Variants in SPECC1 observed in about 807,000 individuals in gnomAD.
The protein encoded by SPECC1 is cytospin-B.
A neutral mutation model predicts 104.1 loss-of-function variants in SPECC1; 62 were observed. That is an observed-to-expected ratio of 0.60 (90% CI 0.49 to 0.74). SPECC1 has a LOEUF of 0.74. Ranked by LOEUF, SPECC1 falls within the 30% of genes least tolerant of loss-of-function variation. The pLI, the probability that SPECC1 is intolerant of heterozygous loss-of-function variation, is 0.00. For synonymous variants in SPECC1, 513 were observed against 501.6 expected, an observed-to-expected ratio of 1.02 and a Z score of -0.30; for missense variants, 1,306 against 1,310.5, an observed-to-expected ratio of 1.00 and a Z score of 0.05.
At chr17:20,232,524 C>T in intron 7 of SPECC1, 119 bp downstream of exon 7, 1 of 1,124,466 alleles carries the variant, frequency 8.9e-7, no homozygotes, top group Non-Finnish European at 1.2e-6. Context: ...TCTGAGATCA[C>T]CCTGAATTAC....
chr17:20,046,367 C>A (rs758163971), intron 1 of SPECC1, among the ~76,000 whole-genome samples: 5 of 152,076 alleles, frequency 3.3e-5, no homozygotes, highest in Non-Finnish European at 5.9e-5. Context: ...AGATTTAATT[C>A]TATTTAGATT....
Position 20,216,117 on chromosome 17 carries a change from A to T in SPECC1, c.1863+10205A>T, listed in dbSNP as rs564590759. ...TTAAATCACTTGAAAAGAACAATCC[A>T]GCATGTATCAAGTGGCTGAGACCAA... On this transcript the variant is annotated intron_variant, in intron 4 of 14. Transcript: ENST00000395527. Among the ~76,000 whole-genome samples the T allele has an allele frequency of 6.6e-5, 10 of 152,352 alleles. No individual in the cohort carries two copies. The East Asian group carries it at 1.7e-3, about 26-fold the overall frequency.
intron 3 of SPECC1, among the ~76,000 whole-genome samples, chr17:20,128,231 T>C (rs1469636653): frequency 6.6e-6 from 1 of 152,208 alleles, no homozygotes; most frequent in Admixed American, 6.5e-5. Context: ...ACCAGGCGTG[T>C]TGACATCAGT....
At chr17:20,011,433 G>A (rs747386973) in intron 1 of SPECC1, among the ~76,000 whole-genome samples, 62 of 151,644 alleles carry the variant, frequency 4.1e-4, no homozygotes, top group Non-Finnish European at 7.4e-4. Flanking sequence ...ATAGTATTCT[G>A]GTGTAAGAAA....
chr17:20,064,813 A>G lies in SPECC1; in HGVS notation c.-21-31818A>G, dbSNP rs1322232629. On this transcript the variant is annotated intron_variant, in intron 1 of 14. Coordinates refer to ENST00000395527, the MANE Select transcript of SPECC1 (RefSeq NM_001243439.2). ...TGTCTTATAGCTCATGAGAAGGCCA[A>G]CTTCACTAACCACTCCTTGCCGGGT... Among the ~76,000 whole-genome samples the G allele has an allele frequency of 2.6e-5, 4 of 152,204 alleles. No individual in the cohort carries two copies. In the South Asian group the frequency reaches 8.3e-4, roughly 31 times the overall value.
chr17:20,030,713 C>G (rs895861177), intron 1 of SPECC1, among the ~76,000 whole-genome samples: 1 of 152,032 alleles, frequency 6.6e-6, no homozygotes, highest in African/African-American at 2.4e-5. Flanking sequence ...TTCAGATTAC[C>G]CTCTGGGGTC....
At chr17:20,063,807 A>G (rs2046271233) in intron 1 of SPECC1, among the ~76,000 whole-genome samples, 1 of 144,500 alleles carries the variant, frequency 6.9e-6, no homozygotes. Context: ...GCTTGACCTA[A>G]GATCACAGTC....
chr17:20,056,110 C>T lies in SPECC1; in HGVS notation c.-21-40521C>T, dbSNP rs902636047. 5.9e-5 allele frequency among the ~76,000 whole-genome samples: 9 copies of T among 152,198 alleles called. No individual in the cohort carries two copies. In the South Asian group the frequency reaches 6.2e-4, roughly 10 times the overall value. ...TCTGGACTTTTCAGAGACTTAGTAG[C>T]ATCTTTAAAAGAAAAATACTTAGTT... is the stretch of plus-strand genomic sequence containing the variant. On this transcript the variant is annotated intron_variant, in intron 1 of 14. Transcript: ENST00000395527.
chr17:20,189,562 C>G (rs1378201131), intron 3 of SPECC1, among the ~76,000 whole-genome samples: 2 of 152,164 alleles, frequency 1.3e-5, no homozygotes, highest in African/African-American at 4.8e-5. Context: ...TATCTCTCCT[C>G]AGAAACACTG....
At chr17:20,105,669 C>T (rs1199529500) in intron 2 of SPECC1, among the ~76,000 whole-genome samples, 1 of 152,234 alleles carries the variant, frequency 6.6e-6, no homozygotes, top group African/African-American at 2.4e-5. Context: ...TGCTTCACCC[C>T]TGTTCTTATC....
chr17:20,099,511 C>CAAAAAA (rs56285234), intron 2 of SPECC1, among the ~76,000 whole-genome samples: 6 of 91,778 alleles, frequency 6.5e-5, no homozygotes, highest in Admixed American at 1.3e-4. Flanking sequence ...TGTCTTTACC[C>CAAAAAA]AAAAAAAAAA....
chr17:20,110,294 C>A, intron 2 of SPECC1, 133 bp from the exon 3 acceptor site: 1 of 1,092,364 alleles, frequency 9.2e-7, no homozygotes, highest in Non-Finnish European at 1.3e-6. Context: ...TTCACTCTAT[C>A]ATGCTACTCA....
At chr17:20,051,117 T>TTTCCTTCTTTCCTTCTTTCC (rs1491556437) in intron 1 of SPECC1, among the ~76,000 whole-genome samples, 12 of 92,858 alleles carry the variant, frequency 1.3e-4, no homozygotes, top group Middle Eastern at 5.6e-3. Flanking sequence ...TCTTTCTTTC[T>TTTCCTTCTTTCCTTCTTTCC]TTCTTTCTTT....
intron 4 of SPECC1, 122 bp downstream of exon 4, chr17:20,206,034 A>G (rs1597973381): frequency 3.6e-6 from 5 of 1,379,930 alleles, no homozygotes; most frequent in African/African-American, 1.4e-5. Context: ...CGAAGCCAGC[A>G]TTCCAGCTTG....
rs780953606 is a variant in SPECC1 at position 20,257,605 on chromosome 17, C to G, written c.2835C>G (p.Leu945=). Residue 945 remains leucine, a splice_region_variant and synonymous_variant, in exon 11 of 15, where the codon CTC becomes CTG. Coordinates refer to ENST00000395527, the MANE Select transcript of SPECC1 (RefSeq NM_001243439.2). Reference sequence around the variant, plus strand: ...GGGCATGGAAACCACAAAGCAAACTCAGGTATCGTGTTTCAAACAATAAGA... The same window carrying G: ...GGGCATGGAAACCACAAAGCAAACTGAGGTATCGTGTTTCAAACAATAAGA... The part of the protein sequence containing the change: ...STRAWKPQSK[L]SVERKDPLAA... 45 of 1,611,868 alleles carry G rather than the reference C, an allele frequency of 2.8e-5. 1 individual carries two copies. In the South Asian group the frequency reaches 4.9e-4, roughly 17 times the overall value.
chr17:20,231,886 A>G, intron 6 of SPECC1, 55 bp downstream of exon 6: 1 of 1,543,990 alleles, frequency 6.5e-7, no homozygotes, highest in Non-Finnish European at 9.0e-7. Context: ...ACCCGCTCCG[A>G]GGTGTGGATC....
At chr17:20,232,501 C>A in intron 7 of SPECC1, 96 bp downstream of exon 7, 1 of 1,351,492 alleles carries the variant, frequency 7.4e-7, no homozygotes, top group Non-Finnish European at 1.0e-6. Context: ...GTGCCAGGTT[C>A]TGCTATTTCC....
chr17:20,286,735 C>CA (rs1317060228), intron 12 of SPECC1, among the ~76,000 whole-genome samples: 1 of 152,206 alleles, frequency 6.6e-6, no homozygotes, highest in Non-Finnish European at 1.5e-5. Context: ...CCTCTCTGGT[C>CA]ACTGCAGTGG....
chr17:20,257,313 AT>A, intron 10 of SPECC1, 137 bp from the exon 11 acceptor site: 1 of 1,028,806 alleles, frequency 9.7e-7, no homozygotes, highest in Non-Finnish European at 1.4e-6. Context: ...TCCCTATTGC[AT>A]TTTTATTACT....
Sources: gnomAD v4.1 joint callset for allele counts (sites outside exome capture counted in the v4.1 genomes callset) on GRCh38, gnomAD v4.1.1 for gene constraint, MANE v1.5 for transcripts, NCBI Gene and HGNC (gene_info 2026-07-23, HGNC 2026-07-21) for gene names.